Variants in PIBF1 observed in about 807,000 individuals in gnomAD.
PIBF1 encodes the protein progesterone-induced-blocking factor 1.
Under a neutral mutation model 112.5 loss-of-function variants are expected in PIBF1, and 90 were observed. The observed-to-expected ratio is 0.80, with a 90% CI of 0.67 to 0.95. PIBF1 has a LOEUF of 0.95. Among genes scored for constraint, PIBF1 ranks in the 40% least tolerant of loss-of-function variants. The pLI is 0.00. For missense variants in PIBF1, 915 were observed against 852.3 expected (o/e 1.07, Z -0.92); for synonymous variants, 301 against 288.6 (o/e 1.04, Z -0.44).
intron 15 of PIBF1, among the ~76,000 whole-genome samples, chr13:72,967,712 T>C (rs1181969369): frequency 6.6e-6 from 1 of 152,166 alleles, no homozygotes; most frequent in African/African-American, 2.4e-5. Flanking sequence ...GTGATAGATA[T>C]ATCAGGGTTT....
chr13:72,945,591 C>T (rs2042127985), intron 14 of PIBF1, among the ~76,000 whole-genome samples: 1 of 152,066 alleles, frequency 6.6e-6, no homozygotes, highest in South Asian at 2.1e-4. Flanking sequence ...GAGATGGTAC[C>T]TCATTGTAGT....
chr13:73,015,821 C>A, intron 17 of PIBF1, 48 bp from the exon 18 acceptor site: 2 of 1,191,882 alleles, frequency 1.7e-6, no homozygotes, highest in Middle Eastern at 2.2e-4. Context: ...CCTCTCTTGT[C>A]CTCCTTGTAA....
intron 2 of PIBF1, 148 bp downstream of exon 2, chr13:72,783,869 A>G: frequency 2.4e-6 from 2 of 846,962 alleles, no homozygotes; most frequent in Admixed American, 2.8e-5. Flanking sequence ...TTTGGTGTTC[A>G]TAGAAGTAGA....
At chr13:72,838,321 G>C (rs181648349) in intron 9 of PIBF1, among the ~76,000 whole-genome samples, 7 of 152,258 alleles carry the variant, frequency 4.6e-5, no homozygotes, top group Non-Finnish European at 7.4e-5. Flanking sequence ...TAAAAGATGA[G>C]ACCACCTGTG....
intron 8 of PIBF1, among the ~76,000 whole-genome samples, chr13:72,833,644 C>T (rs2037221292): frequency 6.6e-6 from 1 of 152,160 alleles, no homozygotes. Flanking sequence ...GGGGCACCTG[C>T]CAGATGCCAA....
chr13:72,836,487 T>C (rs911832830), intron 9 of PIBF1, among the ~76,000 whole-genome samples: 1 of 152,188 alleles, frequency 6.6e-6, no homozygotes, highest in Non-Finnish European at 1.5e-5. Flanking sequence ...TGCTGTATTA[T>C]AGTTGCTTAT....
intron 10 of PIBF1, among the ~76,000 whole-genome samples, chr13:72,879,344 A>C (rs1290263281): frequency 6.6e-6 from 1 of 152,144 alleles, no homozygotes; most frequent in South Asian, 2.1e-4. Flanking sequence ...AGTCAAGGAG[A>C]TCTACAATCC....
chr13:72,855,556 C>T lies in PIBF1; in HGVS notation c.1322+1401C>T, dbSNP rs147147620. On this transcript the variant is annotated intron_variant, in intron 10 of 17. Transcript: ENST00000326291. ...CCCAGCTACTCAGAAGGCTGAGGCA[C>T]GAGAGTCACTTGAACCCAGGAGGCA... Among the ~76,000 whole-genome samples, 9 of 151,940 alleles carry T rather than the reference C, an allele frequency of 5.9e-5. No individual in the cohort carries two copies. In the East Asian group the frequency reaches 1.2e-3, roughly 20 times the overall value.
At chr13:72,847,420 A>G (rs2037924704) in intron 9 of PIBF1, among the ~76,000 whole-genome samples, 1 of 152,186 alleles carries the variant, frequency 6.6e-6, no homozygotes, top group South Asian at 2.1e-4. Context: ...CCTTCTCACT[A>G]CATTATCATA....
chr13:72,935,618 A>G (rs571732145), intron 14 of PIBF1, among the ~76,000 whole-genome samples: 2 of 152,306 alleles, frequency 1.3e-5, no homozygotes, highest in South Asian at 2.1e-4. Flanking sequence ...AGAAACTGCT[A>G]AACTGTTTCC....
chr13:72,906,327 T>C (rs2040703210), intron 11 of PIBF1, among the ~76,000 whole-genome samples: 1 of 152,180 alleles, frequency 6.6e-6, no homozygotes, highest in South Asian at 2.1e-4. Context: ...ATTTAATCTT[T>C]GTATTATTCA....
chr13:72,788,751 A>C (rs1338366811), intron 2 of PIBF1, among the ~76,000 whole-genome samples: 1 of 152,222 alleles, frequency 6.6e-6, no homozygotes, highest in Non-Finnish European at 1.5e-5. Flanking sequence ...GTTACTAATA[A>C]AAACCAGAGT....
At chr13:72,978,393 T>G (rs2043076764) in intron 16 of PIBF1, among the ~76,000 whole-genome samples, 1 of 152,202 alleles carries the variant, frequency 6.6e-6, no homozygotes, top group Non-Finnish European at 1.5e-5. Flanking sequence ...GATTACGTAG[T>G]CAAAACTAAA....
intron 17 of PIBF1, among the ~76,000 whole-genome samples, chr13:73,004,219 G>C (rs552375876): frequency 6.6e-6 from 1 of 152,064 alleles, no homozygotes; most frequent in African/African-American, 2.4e-5. Context: ...GGCCAGGCGC[G>C]GTGGCTCACG....
At chr13:73,013,731 CAAAAAAAAAAAA>C (rs113104076) in intron 17 of PIBF1, among the ~76,000 whole-genome samples, 12 of 113,060 alleles carry the variant, frequency 1.1e-4, no homozygotes, top group Non-Finnish European at 7.5e-5. Context: ...GAGCCTATCT[CAAAAAAAAAAAA>C]AAAAAAAAAA....
chr13:72,809,590 T>G (rs9634986), intron 5 of PIBF1, among the ~76,000 whole-genome samples: 2 of 56,230 alleles, frequency 3.6e-5, no homozygotes, highest in East Asian at 8.7e-4. Flanking sequence ...TTTTTTTTGG[T>G]TTTTTTTTTT....
intron 11 of PIBF1, among the ~76,000 whole-genome samples, chr13:72,905,145 G>A (rs894932137): frequency 6.7e-6 from 1 of 150,048 alleles, no homozygotes; most frequent in East Asian, 2.0e-4. Context: ...TCAGCTCACC[G>A]CAACCTCTGT....
At chr13:72,924,951 CT>C (rs1176865351) in intron 13 of PIBF1, among the ~76,000 whole-genome samples, 1 of 152,094 alleles carries the variant, frequency 6.6e-6, no homozygotes, top group Non-Finnish European at 1.5e-5. Context: ...GGAAGTGGAA[CT>C]CGACGGGAGC....
intron 5 of PIBF1, among the ~76,000 whole-genome samples, chr13:72,800,999 G>T (rs1475345575): frequency 6.6e-6 from 1 of 152,168 alleles, no homozygotes; most frequent in Non-Finnish European, 1.5e-5. Flanking sequence ...TCAGGGAAGA[G>T]CTTCTAGGTA....
Sources: allele counts gnomAD v4.1 joint callset (sites outside exome capture counted in the v4.1 genomes callset), GRCh38; gene constraint gnomAD v4.1.1; transcripts MANE v1.5; gene names NCBI Gene and HGNC (gene_info 2026-07-23, HGNC 2026-07-21).